Variants in ROCK2 observed in about 807,000 individuals in gnomAD.
ROCK2 encodes Rho associated coiled-coil containing protein kinase 2.
In ROCK2, 61 loss-of-function variants were observed where a neutral mutation model predicts 195.1. The ratio of observed to expected loss-of-function variants is 0.31; its 90% CI spans 0.25 to 0.39. ROCK2 has a LOEUF of 0.39. Ranked by LOEUF, ROCK2 falls within the 10% of genes least tolerant of loss-of-function variation. The pLI is 1.00. For missense variants in ROCK2, 1,109 were observed against 1,637.4 expected (o/e 0.68, Z 5.57); for synonymous variants, 504 against 545.5 (o/e 0.92, Z 1.06).
At chr2:11,229,313 G>A (rs1664919364) in intron 5 of ROCK2, among the ~76,000 whole-genome samples, 1 of 152,036 alleles carries the variant, frequency 6.6e-6, no homozygotes, top group South Asian at 2.1e-4. Context: ...AGTGTCTTAT[G>A]TGGAAGCCCT....
chr2:11,344,765 C>T (rs1337288812), upstream of ROCK2, among the ~76,000 whole-genome samples: 1 of 150,050 alleles, frequency 6.7e-6, no homozygotes, highest in Non-Finnish European at 1.5e-5. The surrounding 1 kb of genome is among the most constrained non-coding windows in gnomAD (Gnocchi z 5.4). Flanking sequence ...CTTTCCCTTC[C>T]TGCGTCTGTC....
At position 11,207,708 on chromosome 2, in the gene ROCK2, C is replaced by T. The variant is rs1362837280; in HGVS notation, c.2549+18G>A. The T allele has an allele frequency of 9.5e-6, 15 of 1,579,768 alleles. No individual in the cohort carries two copies. Among genetic ancestry groups the T allele is most frequent in the Admixed American group, 1.8e-5 (1 of 56,976 alleles). ...TGGATAATTATGCATATTAAAACAT[C>T]TCAATCAATTAACTTACTTTCGAAG... On this transcript the variant is annotated intron_variant, in intron 20 of 32. Coordinates refer to ENST00000315872, the MANE Select transcript of ROCK2 (RefSeq NM_004850.5).
At chr2:11,249,877 T>C in intron 3 of ROCK2, 79 bp from the exon 4 acceptor site, 1 of 1,158,378 alleles carries the variant, frequency 8.6e-7, no homozygotes, top group Non-Finnish European at 1.1e-6. Flanking sequence ...ATAATGCTAT[T>C]ATTAAAGACT....
chr2:11,208,536 C>T (rs1664137042), intron 18 of ROCK2, 89 bp from the exon 19 acceptor site: 1 of 584,660 alleles, frequency 1.7e-6, no homozygotes, highest in African/African-American at 1.9e-5. Flanking sequence ...TAAATGACAC[C>T]ATACTAATAA....
chr2:11,312,304 C>T (rs1668061096), intron 1 of ROCK2, among the ~76,000 whole-genome samples: 1 of 152,020 alleles, frequency 6.6e-6, no homozygotes, highest in Admixed American at 6.6e-5. Context: ...AATAAAAGCA[C>T]ACATTTAAAG....
chr2:11,230,133 G>C (rs553016970), intron 5 of ROCK2, among the ~76,000 whole-genome samples: 164 of 152,274 alleles, frequency 1.1e-3, no homozygotes, highest in Non-Finnish European at 2.1e-3. Flanking sequence ...GCAGGGCCTA[G>C]AAGTAATGAC....
At chr2:11,216,137 A>T (rs373159308) in intron 13 of ROCK2, 21 bp downstream of exon 13, 1 of 1,602,660 alleles carries the variant, frequency 6.2e-7, no homozygotes, top group East Asian at 2.2e-5. Flanking sequence ...AAATGTTAAT[A>T]AAAAAGTGGG....
chr2:11,263,544 T>C (rs904628458), intron 3 of ROCK2, among the ~76,000 whole-genome samples: 5 of 151,242 alleles, frequency 3.3e-5, no homozygotes, highest in African/African-American at 1.2e-4. Flanking sequence ...TATGAATCCC[T>C]GATGTAAATG....
rs1397536919 is a variant in ROCK2 at position 11,276,360 on chromosome 2, C to CA, written c.324+10178dup. 2.0e-5 allele frequency among the ~76,000 whole-genome samples: 3 copies of CA among 152,212 alleles called. No homozygotes were observed. The East Asian group carries it at 5.8e-4, about 29-fold the overall frequency. On this transcript the variant is annotated intron_variant, in intron 3 of 32. Coordinates refer to ENST00000315872, the MANE Select transcript of ROCK2 (RefSeq NM_004850.5). ...GCATACAAAGTCAACACTCAAAAGT[C>CA]AATTATATTTCTATACACTAAAAAT... is the stretch of plus-strand genomic sequence containing the variant.
chr2:11,237,272 T>C (rs1665244904), intron 4 of ROCK2, among the ~76,000 whole-genome samples: 1 of 152,324 alleles, frequency 6.6e-6, no homozygotes, highest in Middle Eastern at 3.4e-3. Flanking sequence ...GAATTCACTA[T>C]ATGACTGATG....
intron 3 of ROCK2, among the ~76,000 whole-genome samples, chr2:11,282,442 A>C (rs1205214848): frequency 6.6e-6 from 1 of 152,186 alleles, no homozygotes; most frequent in Non-Finnish European, 1.5e-5. Flanking sequence ...TACAGTAATC[A>C]AGACAATGTG....
chr2:11,277,424 C>T (rs1016103081), intron 3 of ROCK2, among the ~76,000 whole-genome samples: 10 of 64,080 alleles, frequency 1.6e-4, no homozygotes, highest in Admixed American at 8.8e-4. Context: ...TTTTGGTGCA[C>T]CCATCCCCCA....
chr2:11,334,155 TG>T (rs1448348243), intron 1 of ROCK2, among the ~76,000 whole-genome samples: 1 of 152,164 alleles, frequency 6.6e-6, no homozygotes, highest in Non-Finnish European at 1.5e-5. Context: ...AATGTTTATC[TG>T]GGAAGTATTT....
intron 1 of ROCK2, among the ~76,000 whole-genome samples, chr2:11,339,858 G>T (rs72771303): frequency 6.6e-6 from 1 of 152,228 alleles, no homozygotes; most frequent in African/African-American, 2.4e-5. Flanking sequence ...CAGCAGCGGC[G>T]ACGGCACACA....
chr2:11,309,466 C>A (rs1572391445), intron 1 of ROCK2, among the ~76,000 whole-genome samples: 1 of 152,208 alleles, frequency 6.6e-6, no homozygotes, highest in East Asian at 1.9e-4. Context: ...CGACTCCCAC[C>A]CATCTTACAA....
intron 5 of ROCK2, among the ~76,000 whole-genome samples, chr2:11,231,683 GTTT>G (rs995089675): frequency 6.7e-6 from 1 of 149,860 alleles, no homozygotes; most frequent in African/African-American, 2.4e-5. Context: ...ATTTAGATAA[GTTT>G]TTTTTTTCCT....
chr2:11,275,326 GTC>G (rs562916856), intron 3 of ROCK2, among the ~76,000 whole-genome samples: 1 of 151,816 alleles, frequency 6.6e-6, no homozygotes, highest in African/African-American at 2.4e-5. Flanking sequence ...TATGAATATG[GTC>G]TCTCTCTCTC....
At chr2:11,282,476 T>C (rs745964555) in intron 3 of ROCK2, among the ~76,000 whole-genome samples, 50 of 151,790 alleles carry the variant, frequency 3.3e-4, no homozygotes, top group Middle Eastern at 3.4e-3. Flanking sequence ...AAAAGACAAA[T>C]AGATCAATGA....
Position 11,197,259 on chromosome 2 carries a change from G to A in ROCK2, c.3369C>T (p.Leu1123=), listed in dbSNP as rs768505489. The A allele has an allele frequency of 3.7e-6, 6 of 1,614,030 alleles. No homozygotes were observed. The South Asian group carries it at 6.6e-5, about 18-fold the overall frequency. The change falls in exon 27 of 33, where the codon CTC becomes CTT. Residue 1123 remains leucine, a synonymous_variant. Transcript: ENST00000315872. This position sits in a 1 kb window ranked among gnomAD's most constrained non-coding sequence, Gnocchi z 4.9. The stretch of plus-strand genomic sequence containing the variant: ...TATCCAGACCAATATGCAAGGCTTG[G>A]AGTTGTGACCGCAGCTGCTCAATGT... The part of the protein sequence containing the change: ...DSDIEQLRSQ[L]QALHIGLDSS...
Sources: gnomAD v4.1 joint callset for allele counts (sites outside exome capture counted in the v4.1 genomes callset) on GRCh38, gnomAD v4.1.1 for gene constraint, Gnocchi (gnomAD v3.1) non-coding constraint, MANE v1.5 for transcripts, NCBI Gene and HGNC (gene_info 2026-07-23, HGNC 2026-07-21) for gene names.